MAPT: variants seen among roughly 807,000 people sequenced by gnomAD.
MAPT encodes microtubule-associated protein tau.
In MAPT, 34 loss-of-function variants were observed where a neutral mutation model predicts 67.9. The observed-to-expected ratio is 0.50, with a 90% CI of 0.38 to 0.67. The LOEUF (loss-of-function observed/expected upper bound fraction) is 0.67, where lower values mean the gene tolerates loss of function less well. Among genes scored for constraint, MAPT ranks in the 30% least tolerant of loss-of-function variants. The pLI, the probability that MAPT is intolerant of heterozygous loss-of-function variation, is 0.00. For missense variants in MAPT, 881 were observed against 1,115.2 expected (o/e 0.79, Z 2.99); for synonymous variants, 456 against 464.5 (o/e 0.98, Z 0.23).
chr17:45,983,004 A>G lies in MAPT; in HGVS notation c.425A>G (p.Glu142Gly). ...SGPCLGEKEP[E>G]APVPLTASLP... ...CCGTGCCTCGGGGAGAAAGAGCCAG[A>G]AGCTCCCGTCCCGCTGACCGCGAGC... The change falls in exon 5 of 13, where the codon GAA (glutamate) becomes GGA (glycine). Residue 142 changes from glutamate to glycine, a missense_variant. Glu to Gly is a moderately conservative substitution (Grantham distance 98). Coordinates refer to ENST00000262410, the MANE Select transcript of MAPT (RefSeq NM_001377265.1). 1 of 1,447,816 alleles carries G rather than the reference A, an allele frequency of 6.9e-7. No homozygotes were observed. Among genetic ancestry groups the G allele is most frequent in the Non-Finnish European group, 9.1e-7 (1 of 1,101,560 alleles). 89.7% of individuals were successfully genotyped at this position (1,447,816 alleles called of 1,614,324 possible). A position where few individuals can be genotyped will look rare whatever the true frequency, so the allele number is the denominator to read the frequency against.
rs62056853 is a variant in MAPT, at chr17:45,915,480, T to A, written c.-18+20794T>A. ...TGTATGTTTGAGCATGTGTGGTGTG[T>A]TGTGATATGTGTGTGGTGTGTGAGC... On this transcript the variant is annotated intron_variant, in intron 1 of 12. Transcript: ENST00000262410. The surrounding 1 kb of genome is among the most constrained non-coding windows in gnomAD (Gnocchi z 4.4). 7.5e-5 allele frequency among the ~76,000 whole-genome samples: 11 copies of A among 146,178 alleles called. No homozygotes were observed. The highest frequency in any genetic ancestry group is 1.4e-4 in the Admixed American group (2 of 14,334).
intron 12 of MAPT, among the ~76,000 whole-genome samples, chr17:46,022,166 C>A (rs2076566516): frequency 6.6e-6 from 1 of 151,996 alleles, no homozygotes; most frequent in Non-Finnish European, 1.5e-5. Context: ...ACCAACCTGG[C>A]CAACACAGCC....
intron 1 of MAPT, chr17:45,895,478 A>C (rs1387967517): frequency 6.6e-6 from 1 of 152,214 alleles, no homozygotes; most frequent in Non-Finnish European, 1.5e-5. Flanking sequence ...GGCAGGGTTC[A>C]CCTGGCCTGG....
At position 45,941,676 on chromosome 17, in the gene MAPT, TTCCC is replaced by T. The variant is rs1434111645; in HGVS notation, c.-17-20641_-17-20638del. On this transcript the variant is annotated intron_variant, in intron 1 of 12. Transcript: ENST00000262410. Reference sequence around the variant, plus strand: ...CTTCCACCCTTCCCCCCTTCCCCCCTTCCCTCCTTCCTTCCTTCCTTCCTGCCTG... The same window carrying T: ...CTTCCACCCTTCCCCCCTTCCCCCCTTCCTTCCTTCCTTCCTTCCTGCCTG... 1.6e-3 allele frequency among the ~76,000 whole-genome samples: 157 copies of T among 95,752 alleles called. 4 individuals are homozygous for T. Among genetic ancestry groups the T allele is most frequent in the African/African-American group, 6.8e-3 (145 of 21,460 alleles). 62.8% of individuals were successfully genotyped at this position (95,752 alleles called of 152,430 possible).
At chr17:46,013,402 T>C (rs1287900711) in intron 10 of MAPT, among the ~76,000 whole-genome samples, 1 of 152,234 alleles carries the variant, frequency 6.6e-6, no homozygotes, top group Non-Finnish European at 1.5e-5. Context: ...AGCTGGTTCT[T>C]TGACTGAGAT....
intron 3 of MAPT, chr17:45,974,525 A>G: frequency 7.1e-7 from 1 of 1,412,576 alleles, no homozygotes; most frequent in Non-Finnish European, 9.8e-7. Flanking sequence ...TGGGTGCCCC[A>G]GCTGACCTGT....
In MAPT at chr17:46,018,835, T is replaced by G. The variant is rs371609809; in HGVS notation, c.2286+105T>G. The stretch of plus-strand genomic sequence containing the variant: ...GTTCCCAGAGGAGGAAAACAGAGGC[T>G]TCTGTGTTGACTGGCTGGATGTGGG... On this transcript the variant is annotated intron_variant, in intron 12 of 12. Transcript: ENST00000262410. 3.3e-5 allele frequency: 28 copies of G among 841,774 alleles called. 1 individual carries two copies. The Middle Eastern group carries it at 2.9e-3, about 88-fold the overall frequency. 52.1% of individuals were successfully genotyped at this position (841,774 alleles called of 1,614,324 possible). A position where few individuals can be genotyped will look rare whatever the true frequency, so the allele number is the denominator to read the frequency against.
intron 4 of MAPT, among the ~76,000 whole-genome samples, chr17:45,981,644 A>T (rs17651507): frequency 0.2 from 30,899 of 152,116 alleles, 3,992 homozygotes; most frequent in South Asian, 0.4. Context: ...TCCATTCTTG[A>T]TGATCACACA....
At chr17:46,018,357 C>G (rs1243859485) in intron 11 of MAPT, among the ~76,000 whole-genome samples, 1 of 148,804 alleles carries the variant, frequency 6.7e-6, no homozygotes, top group Non-Finnish European at 1.5e-5. Context: ...AAACACCATT[C>G]TAAAGGAGTC....
chr17:45,909,660 C>T (rs547107763), intron 1 of MAPT, among the ~76,000 whole-genome samples: 2 of 152,264 alleles, frequency 1.3e-5, no homozygotes, highest in South Asian at 4.2e-4. Context: ...CACCTGAGGT[C>T]AGGAGTTTGA....
chr17:46,007,469 A>G (rs2075530482), intron 9 of MAPT, among the ~76,000 whole-genome samples: 1 of 152,202 alleles, frequency 6.6e-6, no homozygotes, highest in Admixed American at 6.5e-5. Context: ...CCTGGGTGAC[A>G]GAGTGAGAGC....
chr17:46,003,855 T>C (rs1205218508), intron 9 of MAPT, among the ~76,000 whole-genome samples: 1 of 149,762 alleles, frequency 6.7e-6, no homozygotes, highest in Non-Finnish European at 1.5e-5. Context: ...GAAAAATCTG[T>C]GTGAATCAAA....
chr17:45,903,937 T>C lies in MAPT; in HGVS notation c.-18+9251T>C, dbSNP rs1173147244. 3.1e-4 allele frequency among the ~76,000 whole-genome samples: 8 copies of C among 25,662 alleles called. 1 individual carries two copies. Among genetic ancestry groups the C allele is most frequent in the African/African-American group, 8.0e-4 (5 of 6,256 alleles). The allele number at this position is 25,662 out of a possible 152,430, so 16.8% of individuals were successfully genotyped here. A position where few individuals can be genotyped will look rare whatever the true frequency, so the allele number is the denominator to read the frequency against. On this transcript the variant is annotated intron_variant, in intron 1 of 12. Coordinates refer to ENST00000262410, the MANE Select transcript of MAPT (RefSeq NM_001377265.1). ...TATATATTTATATATATTATATATTTATATATAATATATATTATATATTAT... is the reference window on the plus strand; with the variant it reads ...TATATATTTATATATATTATATATTCATATATAATATATATTATATATTAT...
At chr17:45,903,993 T>TTATATATTTATAC (rs1239064929) in intron 1 of MAPT, among the ~76,000 whole-genome samples, 1 of 20,678 alleles carries the variant, frequency 4.8e-5, no homozygotes, top group African/African-American at 1.9e-4. Flanking sequence ...TATATTTATA[T>TTATATATTTATAC]ATATTATATA....
intron 1 of MAPT, chr17:45,895,322 T>TG (rs1250405060): frequency 6.6e-6 from 1 of 151,938 alleles, no homozygotes; most frequent in East Asian, 1.9e-4. Flanking sequence ...AGGGGACATT[T>TG]GGGGGCTGGG....
intron 1 of MAPT, among the ~76,000 whole-genome samples, chr17:45,908,985 C>G (rs1489413661): frequency 1.3e-5 from 2 of 152,198 alleles, no homozygotes; most frequent in Admixed American, 6.5e-5. Flanking sequence ...GCATCCAAAA[C>G]TGAAGGGTGG....
At chr17:45,911,790 A>G (rs935303311) in intron 1 of MAPT, among the ~76,000 whole-genome samples, 33 of 152,290 alleles carry the variant, frequency 2.2e-4, no homozygotes, top group African/African-American at 7.0e-4. Context: ...AACAAAAAAA[A>G]AGGCTTTCTT....
At chr17:46,003,816 G>C (rs1371612974) in intron 9 of MAPT, among the ~76,000 whole-genome samples, 3 of 152,090 alleles carry the variant, frequency 2.0e-5, no homozygotes, top group Non-Finnish European at 4.4e-5. Flanking sequence ...AGACCCTCCA[G>C]GCATCTTTTC....
intron 3 of MAPT, chr17:45,974,472 G>A (rs747085337): frequency 5.6e-6 from 9 of 1,600,024 alleles, no homozygotes; most frequent in Non-Finnish European, 6.0e-6. Flanking sequence ...GGAACCACAG[G>A]TGAGGGTAAG....
Sources: gnomAD v4.1 joint callset for allele counts (sites outside exome capture counted in the v4.1 genomes callset) on GRCh38, gnomAD v4.1.1 for gene constraint, Gnocchi (gnomAD v3.1) non-coding constraint, MANE v1.5 for transcripts, NCBI Gene and HGNC (gene_info 2026-07-23, HGNC 2026-07-21) for gene names.